Variants in PARG observed in about 807,000 individuals in gnomAD.
PARG encodes mitochondrial poly(ADP-ribose) glycohydrolase.
A neutral mutation model predicts 113.0 loss-of-function variants in PARG; 35 were observed. The observed-to-expected ratio is 0.31, with a 90% CI of 0.24 to 0.41. The LOEUF (loss-of-function observed/expected upper bound fraction) is 0.41. Among genes scored for constraint, PARG ranks in the 10% least tolerant of loss-of-function variants. PARG has a pLI of 1.00. For synonymous variants in PARG, 330 were observed against 409.9 expected, an observed-to-expected ratio of 0.81 and a Z score of 2.36; for missense variants, 797 against 1,169.4, an observed-to-expected ratio of 0.68 and a Z score of 4.64.
chr10:49,907,341 C>T (rs1313614306), intron 7 of PARG, among the ~76,000 whole-genome samples: 2 of 152,018 alleles, frequency 1.3e-5, no homozygotes, highest in Non-Finnish European at 2.9e-5. Flanking sequence ...CACAATAAAT[C>T]GAGGATGAGT....
intron 7 of PARG, among the ~76,000 whole-genome samples, chr10:49,892,211 A>G (rs1489566549): frequency 1.3e-5 from 2 of 152,148 alleles, no homozygotes; most frequent in Non-Finnish European, 2.9e-5. Context: ...GGCATTTTTT[A>G]CATCACTAAA....
At chr10:49,831,400 G>C (rs1844655246) in intron 16 of PARG, among the ~76,000 whole-genome samples, 1 of 152,112 alleles carries the variant, frequency 6.6e-6, no homozygotes, top group Non-Finnish European at 1.5e-5. Flanking sequence ...TTTATTGCTT[G>C]TTACTTTGTA....
intron 13 of PARG, among the ~76,000 whole-genome samples, chr10:49,845,607 T>C (rs1845467605): frequency 6.6e-6 from 1 of 152,060 alleles, no homozygotes; most frequent in Non-Finnish European, 1.5e-5. Context: ...GCAAATTGTA[T>C]TGAATGTGGC....
intron 16 of PARG, among the ~76,000 whole-genome samples, chr10:49,823,234 A>G (rs1171837639): frequency 6.6e-6 from 1 of 152,192 alleles, no homozygotes; most frequent in African/African-American, 2.4e-5. Context: ...ATGTGTATAC[A>G]TATATATGCA....
At chr10:49,855,091 G>A (rs1177312658) in intron 13 of PARG, among the ~76,000 whole-genome samples, 22 of 150,320 alleles carry the variant, frequency 1.5e-4, no homozygotes, top group African/African-American at 4.9e-4. Flanking sequence ...AACAACTAAA[G>A]AAAACTATGT....
At chr10:49,917,058 T>G (rs1328888316) in intron 6 of PARG, among the ~76,000 whole-genome samples, 2 of 151,286 alleles carry the variant, frequency 1.3e-5, no homozygotes, top group African/African-American at 4.8e-5. Context: ...TCAGGGGACA[T>G]CCAAGTTCCT....
chr10:49,917,838 G>GAAAAA (rs11406956), intron 6 of PARG, among the ~76,000 whole-genome samples: 10 of 143,700 alleles, frequency 7.0e-5, no homozygotes, highest in Non-Finnish European at 9.0e-5. Flanking sequence ...AAAAAAGAAA[G>GAAAAA]AAAAAAAAAA....
intron 7 of PARG, among the ~76,000 whole-genome samples, chr10:49,893,874 A>AT (rs1214915656): frequency 6.7e-6 from 1 of 148,190 alleles, no homozygotes; most frequent in Non-Finnish European, 1.5e-5. Flanking sequence ...TTTTTTTTGT[A>AT]TTTTTAGTAA....
intron 7 of PARG, among the ~76,000 whole-genome samples, chr10:49,895,233 G>C (rs1181078715): frequency 5.9e-5 from 9 of 152,098 alleles, no homozygotes; most frequent in Non-Finnish European, 1.3e-4. Context: ...TAGTCTTATT[G>C]TAAGTATCCA....
rs1304262667 is a variant in PARG at position 49,938,318 on chromosome 10, CT to C, written c.218-3177del. 7.2e-4 allele frequency among the ~76,000 whole-genome samples: 108 copies of C among 150,184 alleles called. 1 individual carries two copies. The highest frequency in any genetic ancestry group is 1.1e-3 in the South Asian group (5 of 4,726). ...TTATCTCCCGACATTTCCACCCAGT[CT>C]TTTTTTTTTCCACTGAGATCAGTAA... On this transcript the variant is annotated intron_variant, in intron 1 of 17. Transcript: ENST00000616448.
intron 7 of PARG, among the ~76,000 whole-genome samples, chr10:49,912,840 T>C (rs1554846678): frequency 6.6e-6 from 1 of 152,090 alleles, no homozygotes; most frequent in African/African-American, 2.4e-5. Flanking sequence ...TGGTAGCACA[T>C]GCCTGTAGTC....
chr10:49,887,848 C>T (rs1375151915), intron 7 of PARG, among the ~76,000 whole-genome samples: 2 of 152,172 alleles, frequency 1.3e-5, no homozygotes, highest in African/African-American at 4.8e-5. Flanking sequence ...CTCTGCACAT[C>T]TGTCTTTTAA....
At chr10:49,870,157 G>A (rs1448617751) in intron 9 of PARG, among the ~76,000 whole-genome samples, 4 of 150,970 alleles carry the variant, frequency 2.6e-5, no homozygotes, top group Non-Finnish European at 5.9e-5. Flanking sequence ...TTGGAGATAG[G>A]GCCTGTGAGC....
At chr10:49,885,896 C>T (rs1847452959) in intron 7 of PARG, among the ~76,000 whole-genome samples, 1 of 152,136 alleles carries the variant, frequency 6.6e-6, no homozygotes, top group Non-Finnish European at 1.5e-5. Flanking sequence ...ACAAAGATGC[C>T]ATGCATGGTC....
intron 7 of PARG, among the ~76,000 whole-genome samples, chr10:49,903,566 G>A (rs1425726162): frequency 1.3e-5 from 2 of 152,094 alleles, no homozygotes; most frequent in Admixed American, 6.5e-5. Context: ...CAGACATTTC[G>A]TGGCTATATG....
intron 16 of PARG, among the ~76,000 whole-genome samples, chr10:49,827,196 A>G (rs1844403111): frequency 6.6e-6 from 1 of 152,270 alleles, no homozygotes; most frequent in Non-Finnish European, 1.5e-5. Flanking sequence ...AGGTACAGAC[A>G]GACAGTTACA....
At chr10:49,880,637 C>A (rs1401558229) in intron 8 of PARG, among the ~76,000 whole-genome samples, 1 of 152,114 alleles carries the variant, frequency 6.6e-6, no homozygotes, top group Non-Finnish European at 1.5e-5. Flanking sequence ...ATGAACCCCT[C>A]CTCTCGACCA....
At chr10:49,916,335 T>C (rs1324473081) in intron 6 of PARG, among the ~76,000 whole-genome samples, 1 of 152,164 alleles carries the variant, frequency 6.6e-6, no homozygotes, top group African/African-American at 2.4e-5. Flanking sequence ...TTGTTGGTGG[T>C]CCTTGAAAGC....
In PARG at chr10:49,933,660, A is replaced by G; in HGVS notation, c.788T>C (p.Leu263Ser). 2 of 1,610,254 alleles carry G rather than the reference A, an allele frequency of 1.2e-6. No homozygotes were observed. Among genetic ancestry groups the G allele is most frequent in the African/African-American group, 1.3e-5 (1 of 74,962 alleles). The change falls in exon 3 of 18, where the codon TTG becomes TCG. Residue 263 changes from leucine to serine, a missense_variant. Leu to Ser is a moderately radical substitution (Grantham distance 145, BLOSUM62 -2). Transcript: ENST00000616448. Reference sequence around the variant, plus strand: ...AACATCCTCAGAGCCAACATCTGACAATGGACTCTCTGGCACCACATCTAT... The same window carrying G: ...AACATCCTCAGAGCCAACATCTGACGATGGACTCTCTGGCACCACATCTAT... ...DEIDVVPESP[L>S]SDVGSEDVGT...
Sources: allele counts gnomAD v4.1 joint callset (sites outside exome capture counted in the v4.1 genomes callset), GRCh38; gene constraint gnomAD v4.1.1; transcripts MANE v1.5; gene names NCBI Gene and HGNC (gene_info 2026-07-23, HGNC 2026-07-21).